MAD1L1: variants seen among roughly 807,000 people sequenced by gnomAD.
MAD1L1 encodes the protein mitotic arrest deficient 1 like 1.
In MAD1L1, 95 loss-of-function variants were observed where a neutral mutation model predicts 96.9. The observed-to-expected ratio is 0.98, with a 90% CI of 0.83 to 1.16. The LOEUF is 1.16. MAD1L1 is among the 50% of genes most tolerant of loss of function. The pLI is 0.00. For synonymous variants in MAD1L1, 473 were observed against 396.6 expected (o/e 1.19, Z -2.29); for missense variants, 1,007 against 954.4 (o/e 1.06, Z -0.73).
At chr7:1,869,474 A>C (rs541588477) in intron 18 of MAD1L1, among the ~76,000 whole-genome samples, 1 of 152,244 alleles carries the variant, frequency 6.6e-6, no homozygotes, top group Admixed American at 6.5e-5. Flanking sequence ...AGCTCAGCCC[A>C]CGTGCAGCTG....
intron 6 of MAD1L1, 62 bp downstream of exon 6, chr7:2,219,270 A>T: frequency 7.0e-7 from 1 of 1,429,358 alleles, no homozygotes; most frequent in Non-Finnish European, 9.5e-7. Context: ...ACCAGGAGAG[A>T]GGTGGGACGC....
At chr7:1,990,628 G>A (rs1227039997) in intron 14 of MAD1L1, among the ~76,000 whole-genome samples, 1 of 152,272 alleles carries the variant, frequency 6.6e-6, no homozygotes, top group East Asian at 1.9e-4. Context: ...CCTGGGATGA[G>A]GCCGCTGCAG....
At chr7:2,043,994 G>T (rs1362079940) in intron 12 of MAD1L1, among the ~76,000 whole-genome samples, 3 of 152,228 alleles carry the variant, frequency 2.0e-5, no homozygotes, top group African/African-American at 4.8e-5. Flanking sequence ...GAGAGCACAC[G>T]CAATGGACGG....
At chr7:1,835,292 C>T (rs1344881143) in intron 18 of MAD1L1, among the ~76,000 whole-genome samples, 1 of 152,192 alleles carries the variant, frequency 6.6e-6, no homozygotes, top group Non-Finnish European at 1.5e-5. Flanking sequence ...TTGTATTCAG[C>T]ATCATCCTGA....
At chr7:2,226,172 G>A (rs928887679) in intron 3 of MAD1L1, among the ~76,000 whole-genome samples, 4 of 152,202 alleles carry the variant, frequency 2.6e-5, no homozygotes, top group Non-Finnish European at 5.9e-5. Context: ...CCAGGGAGTG[G>A]ATCAAGCCCA....
chr7:2,108,293 G>C (rs1331941390), intron 11 of MAD1L1, among the ~76,000 whole-genome samples: 2 of 152,154 alleles, frequency 1.3e-5, no homozygotes, highest in Non-Finnish European at 1.5e-5. Context: ...TGTAATTATG[G>C]TAAAAAGAGC....
chr7:2,220,335 C>T (rs558251703), intron 5 of MAD1L1, among the ~76,000 whole-genome samples: 84 of 152,308 alleles, frequency 5.5e-4, no homozygotes, highest in African/African-American at 2.0e-3. Context: ...GCGACAGAAC[C>T]GCCAGGCTTC....
intron 10 of MAD1L1, among the ~76,000 whole-genome samples, chr7:2,206,282 A>G (rs1792592856): frequency 6.6e-6 from 1 of 152,170 alleles, no homozygotes. Context: ...ATATTTTCCT[A>G]GTCTATGGTC....
chr7:2,163,509 G>T (rs1301885753), intron 10 of MAD1L1, among the ~76,000 whole-genome samples: 1 of 152,114 alleles, frequency 6.6e-6, no homozygotes, highest in Non-Finnish European at 1.5e-5. Flanking sequence ...GAGTAGCTGG[G>T]ATTACAGGCG....
chr7:1,876,155 C>T (rs1436202732), intron 18 of MAD1L1, among the ~76,000 whole-genome samples: 2 of 152,204 alleles, frequency 1.3e-5, no homozygotes, highest in Non-Finnish European at 2.9e-5. Context: ...GAACTAGCCC[C>T]TTGGCTCCAT....
chr7:2,125,085 G>C (rs1788168286), intron 11 of MAD1L1, among the ~76,000 whole-genome samples: 1 of 152,200 alleles, frequency 6.6e-6, no homozygotes, highest in Non-Finnish European at 1.5e-5. Flanking sequence ...AGCGACCCCA[G>C]GAAGTCCCTG....
In MAD1L1 at chr7:2,102,359, C is replaced by T. The variant is rs549990288; in HGVS notation, c.1074-33021G>A. Among the ~76,000 whole-genome samples the T allele has an allele frequency of 1.9e-4, 29 of 151,114 alleles. No homozygotes were observed. In the East Asian group the frequency reaches 5.7e-3, roughly 30 times the overall value. On this transcript the variant is annotated intron_variant, in intron 11 of 18. Transcript: ENST00000265854. Reference sequence around the variant, plus strand: ...CCATCACCACCGCCACCATCACCACCGTCACTATCACCACCGTCACCATCA... The same window carrying T: ...CCATCACCACCGCCACCATCACCACTGTCACTATCACCACCGTCACCATCA...
intron 13 of MAD1L1, among the ~76,000 whole-genome samples, chr7:2,006,708 C>T (rs1236174932): frequency 6.6e-6 from 1 of 152,104 alleles, no homozygotes; most frequent in South Asian, 2.1e-4. Context: ...CACGGCCCAG[C>T]ACAGGAGAGG....
chr7:1,923,916 G>A (rs148423100), intron 17 of MAD1L1, among the ~76,000 whole-genome samples: 12 of 152,212 alleles, frequency 7.9e-5, no homozygotes, highest in Non-Finnish European at 1.2e-4. Flanking sequence ...TGGGAAACTC[G>A]GCAAAGAGCC....
chr7:1,900,200 G>A (rs1787157873), intron 17 of MAD1L1, among the ~76,000 whole-genome samples: 1 of 152,358 alleles, frequency 6.6e-6, no homozygotes, highest in South Asian at 2.1e-4. Flanking sequence ...CACACACAAT[G>A]ACACCCAGGC....
At chr7:2,087,240 A>G (rs908279700) in intron 11 of MAD1L1, among the ~76,000 whole-genome samples, 1 of 152,182 alleles carries the variant, frequency 6.6e-6, no homozygotes, top group African/African-American at 2.4e-5. Context: ...TTTACTACCA[A>G]TAAATAATCG....
At chr7:2,173,796 T>C (rs1790823369) in intron 10 of MAD1L1, among the ~76,000 whole-genome samples, 1 of 152,142 alleles carries the variant, frequency 6.6e-6, no homozygotes, top group South Asian at 2.1e-4. Flanking sequence ...AAAAAAGATT[T>C]GAGGGAGATA....
chr7:2,174,246 C>T (rs548579185), intron 10 of MAD1L1, among the ~76,000 whole-genome samples: 1 of 152,336 alleles, frequency 6.6e-6, no homozygotes, highest in African/African-American at 2.4e-5. Flanking sequence ...CAACTCTAGA[C>T]CACATTGCTT....
intron 15 of MAD1L1, among the ~76,000 whole-genome samples, chr7:1,958,011 C>G (rs906408589): frequency 6.6e-6 from 1 of 152,164 alleles, no homozygotes; most frequent in African/African-American, 2.4e-5. Context: ...GGAACCAGCC[C>G]GAGGCAGGAC....
Sources: gnomAD v4.1 joint callset for allele counts (sites outside exome capture counted in the v4.1 genomes callset) on GRCh38, gnomAD v4.1.1 for gene constraint, MANE v1.5 for transcripts, NCBI Gene and HGNC (gene_info 2026-07-23, HGNC 2026-07-21) for gene names.